The following RNF19B variants were observed in gnomAD, a reference collection of about 807,000 sequenced individuals.
The protein encoded by RNF19B is E3 ubiquitin-protein ligase RNF19B.
In RNF19B, 23 loss-of-function variants were observed where a neutral mutation model predicts 65.5. The observed-to-expected ratio is 0.35, with a 90% CI of 0.25 to 0.50. The LOEUF (loss-of-function observed/expected upper bound fraction) is 0.50, where lower values mean the gene tolerates loss of function less well. Ranked by LOEUF, RNF19B falls within the 20% of genes least tolerant of loss-of-function variation. The pLI is 0.98. For synonymous variants in RNF19B, 372 were observed against 379.6 expected, an observed-to-expected ratio of 0.98 and a Z score of 0.23; for missense variants, 794 against 980.0, an observed-to-expected ratio of 0.81 and a Z score of 2.53.
At position 32,964,644 on chromosome 1, in the gene RNF19B, C is replaced by G; in HGVS notation, c.42G>C (p.Ser14=). 6.8e-7 allele frequency: 1 copy of G among 1,474,674 alleles called. No homozygotes were observed. The highest frequency in any genetic ancestry group is 9.0e-7 in the Non-Finnish European group (1 of 1,117,034). The allele number at this position is 1,474,674 out of a possible 1,614,324, so 91.3% of individuals were successfully genotyped here. ...TAGGGTCGGGTGCGGCCGCATGTAG[C>G]GATGTGGAGCGCGGCGACTCGGAGT... ...EKDSESPRST[S]LHAAAPDPKC... is the part of the protein sequence containing the mutation. The change falls in exon 1 of 9, where the codon TCG becomes TCC. Residue 14 remains serine, a synonymous_variant. Transcript: ENST00000235150. The surrounding 1 kb of genome is among the most constrained non-coding windows in gnomAD (Gnocchi z 6.5).
intron 1 of RNF19B, among the ~76,000 whole-genome samples, chr1:32,956,894 G>A (rs1446524044): frequency 6.6e-6 from 1 of 152,112 alleles, no homozygotes; most frequent in African/African-American, 2.4e-5. Flanking sequence ...AGGCATCAGG[G>A]TGGTAGACAT....
intron 1 of RNF19B, among the ~76,000 whole-genome samples, chr1:32,961,339 A>G (rs1054932418): frequency 6.6e-6 from 1 of 152,242 alleles, no homozygotes; most frequent in African/African-American, 2.4e-5. Context: ...TAATGCGGCT[A>G]TGTTGACAAG....
intron 1 of RNF19B, among the ~76,000 whole-genome samples, chr1:32,951,005 AATTTTTGT>A (rs1365298811): frequency 6.6e-6 from 1 of 151,758 alleles, no homozygotes; most frequent in African/African-American, 2.4e-5. Flanking sequence ...ATGCGCAGCT[AATTTTTGT>A]ATTTTTGTAG....
chr1:32,941,893 T>C (rs538248050), intron 7 of RNF19B, among the ~76,000 whole-genome samples: 77 of 151,908 alleles, frequency 5.1e-4, no homozygotes, highest in Admixed American at 2.3e-3. Flanking sequence ...GTCAGGAGAT[T>C]GAGACCATCC....
chr1:32,957,424 A>G (rs572320773), intron 1 of RNF19B, among the ~76,000 whole-genome samples: 4 of 152,180 alleles, frequency 2.6e-5, no homozygotes, highest in Non-Finnish European at 5.9e-5. Context: ...CTATCTATCT[A>G]TGTATCAATT....
At position 32,964,625 on chromosome 1, in the gene RNF19B, C is replaced by T. The variant is rs1304700949; in HGVS notation, c.61G>A (p.Asp21Asn). ...CGGCCGCCGCTGCGGCACTTAGGGT[C>T]GGGTGCGGCCGCATGTAGCGATGTG... ...RSTSLHAAAP[D>N]PKCRSGGRRR... is the part of the protein sequence containing the mutation. The change falls in exon 1 of 9, where the codon GAC becomes AAC. Residue 21 changes from aspartate to asparagine, a missense_variant. Physicochemically the swap from Asp to Asn is conservative, Grantham distance 23. Coordinates refer to ENST00000235150, the MANE Select transcript of RNF19B (RefSeq NM_001300826.2). The surrounding 1 kb of genome is among the most constrained non-coding windows in gnomAD (Gnocchi z 6.5). The T allele has an allele frequency of 5.4e-6, 8 of 1,471,280 alleles. No homozygotes were observed. Among genetic ancestry groups the T allele is most frequent in the Non-Finnish European group, 2.7e-6 (3 of 1,115,254 alleles). 91.1% of individuals were successfully genotyped at this position (1,471,280 alleles called of 1,614,324 possible). A position where few individuals can be genotyped will look rare whatever the true frequency, so the allele number is the denominator to read the frequency against.
Position 32,945,567 on chromosome 1 carries a change from C to G in RNF19B, c.1208G>C (p.Gly403Ala). Residue 403 changes from glycine (G) to alanine (A), a missense_variant, in exon 5 of 9, where the codon GGA (glycine) becomes GCA (alanine). By Grantham distance (60) the Gly-to-Ala change is moderately conservative. Around this residue, in one of 3 missense-constraint regions of RNF19B, gnomAD observed 368 missense variants for 447.3 expected, o/e 0.82. Transcript: ENST00000235150. ...TGCAATGACCGACAAAGTCACTCCT[C>G]CAGTGATAGCCAAATTCCTCTTGTG... ...SKHKRNLAIT[G>A]GVTLSVIASP... The G allele has an allele frequency of 1.2e-6, 2 of 1,613,950 alleles. No individual in the cohort carries two copies. Among genetic ancestry groups the G allele is most frequent in the Non-Finnish European group, 1.7e-6 (2 of 1,179,854 alleles).
intron 1 of RNF19B, among the ~76,000 whole-genome samples, chr1:32,959,804 G>A (rs1272481946): frequency 2.6e-5 from 4 of 151,424 alleles, no homozygotes; most frequent in South Asian, 2.1e-4. Flanking sequence ...TTGGGAGGCC[G>A]AGGTGGGCAG....
chr1:32,948,201 T>C (rs1405281275), intron 3 of RNF19B, 21 bp downstream of exon 3: 1 of 1,612,100 alleles, frequency 6.2e-7, no homozygotes, highest in Admixed American at 1.7e-5. Context: ...ACGAAAGGAA[T>C]GGATGCATTT....
At position 32,964,026 on chromosome 1, in the gene RNF19B, A is replaced by G; in HGVS notation, c.635+25T>C. The stretch of plus-strand genomic sequence containing the variant: ...CGCCCCTCGGCTGCAGCCCGCCGCC[A>G]CCCGCGCCACGCCCCCGCGCTCACC... On this transcript the variant is annotated intron_variant, in intron 1 of 8. Coordinates refer to ENST00000235150, the MANE Select transcript of RNF19B (RefSeq NM_001300826.2). The surrounding 1 kb of genome is among the most constrained non-coding windows in gnomAD (Gnocchi z 6.5). The G allele has an allele frequency of 7.1e-7, 1 of 1,414,784 alleles. No individual in the cohort carries two copies. Among genetic ancestry groups the G allele is most frequent in the Non-Finnish European group, 9.2e-7 (1 of 1,090,140 alleles). 87.6% of individuals were successfully genotyped at this position (1,414,784 alleles called of 1,614,324 possible).
At chr1:32,933,552 G>A (rs140997703), downstream of RNF19B, among the ~76,000 whole-genome samples, 41 of 152,296 alleles carry the variant, frequency 2.7e-4, no homozygotes, top group East Asian at 3.7e-3. Context: ...ACCACGCCCG[G>A]CCAAGCTATT....
At position 32,949,788 on chromosome 1, in the gene RNF19B, CAGTA is replaced by C. The variant is rs567936128; in HGVS notation, c.636-18_636-15del. The C allele has an allele frequency of 2.6e-4, 409 of 1,600,536 alleles. 1 individual carries two copies. The African/African-American group carries it at 5.1e-3, about 20-fold the overall frequency. ...ATAACAGCATAACTAGGTAAGGAAA[CAGTA>C]AGAGATACCAGTAAGGTAAGAATGA... On this transcript the variant is annotated splice_polypyrimidine_tract_variant and intron_variant, in intron 1 of 8. Transcript: ENST00000235150.
chr1:32,958,366 T>C (rs1326060535), intron 1 of RNF19B, among the ~76,000 whole-genome samples: 1 of 152,228 alleles, frequency 6.6e-6, no homozygotes, highest in African/African-American at 2.4e-5. Flanking sequence ...AAGTAATGCC[T>C]ATAACATACC....
intron 1 of RNF19B, among the ~76,000 whole-genome samples, 183 bp downstream of exon 1, chr1:32,963,868 C>G (rs999722755): frequency 3.9e-5 from 6 of 152,250 alleles, no homozygotes; most frequent in African/African-American, 1.4e-4. Context: ...AGCCCTGGGG[C>G]AGGGGGCGGG....
At chr1:32,944,744 A>G (rs536579973) in intron 5 of RNF19B, among the ~76,000 whole-genome samples, 29 of 151,578 alleles carry the variant, frequency 1.9e-4, no homozygotes, top group Non-Finnish European at 3.2e-4. Flanking sequence ...GCTGGAGTGC[A>G]GTGGCACGAT....
At position 32,950,551 on chromosome 1, in the gene RNF19B, CCTT is replaced by C. The variant is rs1466775580; in HGVS notation, c.636-780_636-778del. On this transcript the variant is annotated intron_variant, in intron 1 of 8. Coordinates refer to ENST00000235150, the MANE Select transcript of RNF19B (RefSeq NM_001300826.2). ...AAAAACTAAAGTTTATTTTTTAATT[CCTT>C]CTTTTTTTTTTTTGAGATGGGGTCT... Among the ~76,000 whole-genome samples the C allele has an allele frequency of 1.1e-4, 17 of 151,774 alleles. No homozygotes were observed. In the East Asian group the frequency reaches 3.1e-3, roughly 28 times the overall value.
At chr1:32,951,567 A>C (rs955351860) in intron 1 of RNF19B, among the ~76,000 whole-genome samples, 1 of 152,232 alleles carries the variant, frequency 6.6e-6, no homozygotes, top group African/African-American at 2.4e-5. Context: ...TTCATTCTTA[A>C]GTTCCAGTTC....
downstream of RNF19B, among the ~76,000 whole-genome samples, chr1:32,935,057 C>T (rs185126039): frequency 1.3e-4 from 19 of 151,984 alleles, no homozygotes; most frequent in Non-Finnish European, 2.4e-4. Context: ...GTCTTGATCT[C>T]CTGACCTCGT....
At position 32,964,713 on chromosome 1, in the gene RNF19B, C is replaced by A; in HGVS notation, c.-28G>T. On this transcript the variant is annotated 5_prime_UTR_variant, in exon 1 of 9. Transcript: ENST00000235150. The surrounding 1 kb of genome is among the most constrained non-coding windows in gnomAD (Gnocchi z 6.5). ...CCGGCAGAGGCCGAGGAGCCAGGGG[C>A]GCCCAGCGCCGCCACAGCTCCCGCC... The A allele has an allele frequency of 1.4e-6, 2 of 1,400,040 alleles. No homozygotes were observed. The highest frequency in any genetic ancestry group is 9.2e-7 in the Non-Finnish European group (1 of 1,082,086). The allele number at this position is 1,400,040 out of a possible 1,614,324, so 86.7% of individuals were successfully genotyped here.
Sources: gnomAD v4.1 joint callset for allele counts (sites outside exome capture counted in the v4.1 genomes callset) on GRCh38, gnomAD v4.1.1 for gene constraint, gnomAD v4.1.1 regional missense constraint, Gnocchi (gnomAD v3.1) non-coding constraint, MANE v1.5 for transcripts, NCBI Gene and HGNC (gene_info 2026-07-23, HGNC 2026-07-21) for gene names.